The following CNTNAP2 variants were observed in gnomAD, a reference collection of about 807,000 sequenced individuals.
CNTNAP2 encodes the protein contactin-associated protein-like 2.
CNTNAP2 carries 98 observed loss-of-function variants against 155.2 expected under a neutral mutation model. The observed-to-expected ratio is 0.63, with a 90% CI of 0.54 to 0.75. The LOEUF (loss-of-function observed/expected upper bound fraction) is 0.75, where lower values mean the gene tolerates loss of function less well. CNTNAP2 is among the 30% of genes least tolerant of loss of function. The pLI is 0.00. For missense variants in CNTNAP2, 1,727 were observed against 1,688.1 expected (o/e 1.02, Z -0.40); for synonymous variants, 651 against 631.2 (o/e 1.03, Z -0.47).
chr7:146,146,789 A>T (rs951859226), intron 1 of CNTNAP2, among the ~76,000 whole-genome samples: 1 of 152,200 alleles, frequency 6.6e-6, no homozygotes, highest in Admixed American at 6.6e-5. Context: ...ATTTCTTCCT[A>T]AGTAGTTTCT....
At chr7:148,164,256 A>G (rs180755639) in intron 17 of CNTNAP2, among the ~76,000 whole-genome samples, 38 of 152,142 alleles carry the variant, frequency 2.5e-4, no homozygotes, top group Middle Eastern at 6.8e-3. Flanking sequence ...GTTTTTTTTT[A>G]ACGGGTTCAA....
intron 1 of CNTNAP2, among the ~76,000 whole-genome samples, chr7:146,184,647 C>T (rs1798597272): frequency 6.6e-6 from 1 of 152,072 alleles, no homozygotes; most frequent in South Asian, 2.1e-4. Context: ...TTACAGTTCC[C>T]CAGGTGGATA....
At chr7:146,994,499 T>TG (rs1316352146) in intron 3 of CNTNAP2, among the ~76,000 whole-genome samples, 5 of 152,154 alleles carry the variant, frequency 3.3e-5, no homozygotes, top group Non-Finnish European at 7.4e-5. Context: ...GTGACAATCA[T>TG]GAAAAATAGA....
chr7:147,645,408 T>C (rs924181978), intron 13 of CNTNAP2, among the ~76,000 whole-genome samples: 1 of 152,334 alleles, frequency 6.6e-6, no homozygotes, highest in East Asian at 1.9e-4. Context: ...GACTAATCAG[T>C]GTATTAATCA....
At chr7:147,964,433 C>G (rs1176550483) in intron 14 of CNTNAP2, among the ~76,000 whole-genome samples, 1 of 152,112 alleles carries the variant, frequency 6.6e-6, no homozygotes, top group Non-Finnish European at 1.5e-5. Context: ...GGATTTGTTT[C>G]CATCATTTTC....
intron 13 of CNTNAP2, among the ~76,000 whole-genome samples, chr7:147,746,229 A>G (rs544210164): frequency 7.5e-4 from 114 of 152,224 alleles, no homozygotes; most frequent in Non-Finnish European, 1.4e-3. Context: ...TGTTAGAAAA[A>G]CTCTCTGATC....
intron 3 of CNTNAP2, among the ~76,000 whole-genome samples, chr7:146,876,429 T>C (rs563375594): frequency 7.2e-5 from 11 of 152,286 alleles, no homozygotes; most frequent in African/African-American, 2.6e-4. Context: ...CATATCATTG[T>C]GATTATGATT....
intron 8 of CNTNAP2, among the ~76,000 whole-genome samples, chr7:147,233,041 AT>A (rs1803719618): frequency 6.6e-6 from 1 of 152,218 alleles, no homozygotes; most frequent in African/African-American, 2.4e-5. Context: ...TTTCAGATTG[AT>A]TCTACCTAAA....
chr7:146,615,964 C>A (rs866448036), intron 1 of CNTNAP2, among the ~76,000 whole-genome samples: 6 of 152,306 alleles, frequency 3.9e-5, no homozygotes, highest in Middle Eastern at 3.4e-3. Context: ...TGCTCAAGTT[C>A]TTCTGGGAGA....
chr7:146,892,388 G>A (rs1562989626), intron 3 of CNTNAP2, among the ~76,000 whole-genome samples: 1 of 152,174 alleles, frequency 6.6e-6, no homozygotes, highest in East Asian at 1.9e-4. Flanking sequence ...TCCATTGGTT[G>A]AAGCAGCCAC....
At chr7:147,235,345 G>GGGGTGTGT (rs374435627) in intron 8 of CNTNAP2, among the ~76,000 whole-genome samples, 7 of 140,882 alleles carry the variant, frequency 5.0e-5, no homozygotes, top group African/African-American at 1.3e-4. Flanking sequence ...TGGAGTTTTT[G>GGGGTGTGT]GTGTGTGTGT....
intron 1 of CNTNAP2, among the ~76,000 whole-genome samples, chr7:146,324,552 T>G (rs1801064060): frequency 6.6e-6 from 1 of 152,222 alleles, no homozygotes; most frequent in Non-Finnish European, 1.5e-5. Context: ...GGATTTCTAC[T>G]TCCTTTCAGT....
chr7:146,969,948 A>G (rs1310633290), intron 3 of CNTNAP2, among the ~76,000 whole-genome samples: 1 of 152,228 alleles, frequency 6.6e-6, no homozygotes, highest in Non-Finnish European at 1.5e-5. Context: ...TCACAAAAAC[A>G]AACAATGGGG....
chr7:146,891,574 G>A (rs1409400178), intron 3 of CNTNAP2, among the ~76,000 whole-genome samples: 5 of 151,976 alleles, frequency 3.3e-5, no homozygotes, highest in Non-Finnish European at 7.4e-5. Context: ...TATTTTTTTG[G>A]CAGTCCCAAG....
At chr7:148,087,999 C>A (rs1803766875) in intron 15 of CNTNAP2, among the ~76,000 whole-genome samples, 1 of 152,088 alleles carries the variant, frequency 6.6e-6, no homozygotes, top group Non-Finnish European at 1.5e-5. Context: ...ATTTGACCCT[C>A]TTCTTTCTGC....
intron 15 of CNTNAP2, among the ~76,000 whole-genome samples, chr7:148,082,513 G>A (rs768703515): frequency 1.3e-5 from 2 of 152,114 alleles, no homozygotes; most frequent in African/African-American, 2.4e-5. Context: ...GGTCAGAGAC[G>A]CAAAAGGCAT....
At chr7:147,871,659 C>CT (rs1405457568) in intron 13 of CNTNAP2, among the ~76,000 whole-genome samples, 1 of 108,426 alleles carries the variant, frequency 9.2e-6, no homozygotes, top group Non-Finnish European at 1.9e-5. Context: ...CCATTCCTTT[C>CT]TCTTTTTTTT....
intron 8 of CNTNAP2, among the ~76,000 whole-genome samples, chr7:147,207,083 C>T (rs778994643): frequency 6.6e-6 from 1 of 152,142 alleles, no homozygotes; most frequent in African/African-American, 2.4e-5. Flanking sequence ...TTCCTTCACT[C>T]CACCTTCAAA....
At chr7:146,295,055 A>G (rs1800491248) in intron 1 of CNTNAP2, among the ~76,000 whole-genome samples, 1 of 152,230 alleles carries the variant, frequency 6.6e-6, no homozygotes, top group South Asian at 2.1e-4. Context: ...TTGCATATTC[A>G]GTTATAGAAT....
Sources: allele counts gnomAD v4.1 joint callset (sites outside exome capture counted in the v4.1 genomes callset), GRCh38; gene constraint gnomAD v4.1.1; transcripts MANE v1.5; gene names NCBI Gene and HGNC (gene_info 2026-07-23, HGNC 2026-07-21).